RMDN2: variants seen among roughly 807,000 people sequenced by gnomAD.
RMDN2 encodes the protein regulator of microtubule dynamics protein 2.
In RMDN2, 61 loss-of-function variants were observed where a neutral mutation model predicts 52.8. That is an observed-to-expected ratio of 1.16 (90% confidence interval 0.94 to 1.43). The LOEUF (loss-of-function observed/expected upper bound fraction) is 1.43. RMDN2 is among the 40% of genes most tolerant of loss of function. The pLI is 0.00. For missense variants in RMDN2, 592 were observed against 475.3 expected (o/e 1.25, Z -2.28); for synonymous variants, 180 against 153.1 (o/e 1.18, Z -1.30).
intron 7 of RMDN2, among the ~76,000 whole-genome samples, chr2:37,993,815 A>G (rs947989021): frequency 3.3e-5 from 5 of 152,182 alleles, no homozygotes; most frequent in Admixed American, 6.5e-5. Context: ...ACAAGCTTAC[A>G]GCAGTGAAAA....
chr2:38,055,178 G>T (rs575546943), intron 10 of RMDN2, among the ~76,000 whole-genome samples: 1 of 151,778 alleles, frequency 6.6e-6, no homozygotes, highest in Admixed American at 6.6e-5. Flanking sequence ...AGCCGTCCCC[G>T]CTTGATGATC....
intron 5 of RMDN2, among the ~76,000 whole-genome samples, chr2:37,982,290 G>A (rs1333220826): frequency 2.0e-5 from 3 of 152,132 alleles, no homozygotes; most frequent in Non-Finnish European, 4.4e-5. Context: ...CCAGCAGGGG[G>A]AGCTCCACTC....
chr2:37,991,269 A>G lies in RMDN2; in HGVS notation c.917A>G (p.Tyr306Cys), dbSNP rs1238929679. Reference sequence around the variant, plus strand: ...CTTTTACCAGAGGAACCCTTTCTATATTACCTCAAAGGGAGATACTGCTAT... The same window carrying G: ...CTTTTACCAGAGGAACCCTTTCTATGTTACCTCAAAGGGAGATACTGCTAT... Reference protein sequence around the residue: ...IKLLPEEPFLYYLKGRYCYTV... With the variant: ...IKLLPEEPFLCYLKGRYCYTV... The change falls in exon 7 of 11, where the codon TAT becomes TGT. Residue 306 changes from tyrosine (Y) to cysteine (C), a missense_variant. Transcript: ENST00000354545. The G allele has an allele frequency of 3.2e-6, 5 of 1,587,262 alleles. No individual in the cohort carries two copies. Among genetic ancestry groups the G allele is most frequent in the East Asian group, 4.6e-5 (2 of 43,950 alleles).
intron 10 of RMDN2, among the ~76,000 whole-genome samples, chr2:38,038,265 A>G (rs1680724681): frequency 6.6e-6 from 1 of 152,022 alleles, no homozygotes; most frequent in Non-Finnish European, 1.5e-5. Flanking sequence ...CCCCGGGCGC[A>G]AGGGGGACGC....
At chr2:37,981,549 T>A (rs1673317996) in intron 5 of RMDN2, among the ~76,000 whole-genome samples, 1 of 152,238 alleles carries the variant, frequency 6.6e-6, no homozygotes, top group Non-Finnish European at 1.5e-5. Context: ...GGGAAACTTT[T>A]ATTGAAAAAT....
At chr2:37,952,457 A>G (rs1668955781) in intron 2 of RMDN2, 1 of 489,838 alleles carries the variant, frequency 2.0e-6, no homozygotes, top group Non-Finnish European at 3.6e-6. Context: ...CTGCTTAAAG[A>G]TGGGCTAATC....
At chr2:38,053,253 C>T (rs1681703220) in intron 10 of RMDN2, among the ~76,000 whole-genome samples, 3 of 152,072 alleles carry the variant, frequency 2.0e-5, no homozygotes. Flanking sequence ...TTGCCAAAGA[C>T]CCACAGCCTC....
chr2:37,997,558 A>G (rs1435421561), intron 8 of RMDN2, 44 bp downstream of exon 8: 6 of 1,151,910 alleles, frequency 5.2e-6, no homozygotes, highest in African/African-American at 1.5e-5. Context: ...ACTGATTACC[A>G]TCTGCACCAA....
chr2:38,017,726 A>G lies in RMDN2; in HGVS notation c.*487A>G, dbSNP rs1678999236. 1 of 379,052 alleles carries G rather than the reference A, an allele frequency of 2.6e-6. No individual in the cohort carries two copies. The highest frequency in any genetic ancestry group is 4.8e-6 in the Non-Finnish European group (1 of 209,218). The allele number at this position is 379,052 out of a possible 1,614,324, so 23.5% of individuals were successfully genotyped here. ...AAGATGTGAATAAAATTACAATAAA[A>G]TACTGTTTTACCATCAAACTAGCTT... On this transcript the variant is annotated 3_prime_UTR_variant, in exon 11 of 11. Coordinates refer to ENST00000354545, the MANE Select transcript of RMDN2 (RefSeq NM_001170791.3).
At chr2:38,043,158 A>G (rs990402015) in intron 10 of RMDN2, among the ~76,000 whole-genome samples, 3 of 152,138 alleles carry the variant, frequency 2.0e-5, no homozygotes, top group South Asian at 4.1e-4. Context: ...TTCGCCTCAC[A>G]TATTTTGACA....
chr2:37,952,248 T>C, intron 2 of RMDN2: 1 of 1,576,552 alleles, frequency 6.3e-7, no homozygotes, highest in Non-Finnish European at 8.7e-7. Context: ...TCAAATAGTT[T>C]TCCCACCAGT....
At chr2:37,966,063 T>C (rs1670999297) in intron 2 of RMDN2, among the ~76,000 whole-genome samples, 1 of 152,216 alleles carries the variant, frequency 6.6e-6, no homozygotes, top group African/African-American at 2.4e-5. Context: ...TAGCATTCAG[T>C]ACTTTAAGTA....
rs930985541 is a variant in RMDN2, at chr2:38,017,438, A to G, written c.*199A>G. 6.7e-5 allele frequency: 83 copies of G among 1,231,324 alleles called. No homozygotes were observed. Among genetic ancestry groups the G allele is most frequent in the Non-Finnish European group, 3.6e-5 (34 of 933,828 alleles). The allele number at this position is 1,231,324 out of a possible 1,614,324, so 76.3% of individuals were successfully genotyped here. A position where few individuals can be genotyped will look rare whatever the true frequency, so the allele number is the denominator to read the frequency against. ...GTTATTTGGAGAATCTATATACTAT[A>G]ATGTCAATACATAATCTATAAACAT... On this transcript the variant is annotated 3_prime_UTR_variant, in exon 11 of 11. Transcript: ENST00000354545.
intron 2 of RMDN2, among the ~76,000 whole-genome samples, chr2:37,940,008 C>T (rs4670794): frequency 0.51 from 77,469 of 152,012 alleles, 21,511 homozygotes; most frequent in East Asian, 0.71. Context: ...GTGTTTTTGC[C>T]GTGTCTGGTA....
At chr2:37,963,522 A>G in intron 2 of RMDN2, among the ~76,000 whole-genome samples, 1 of 151,944 alleles carries the variant, frequency 6.6e-6, no homozygotes. Flanking sequence ...GATGACTCTT[A>G]ATGAGCATGC....
chr2:37,951,580 C>G, intron 2 of RMDN2: 1 of 1,613,070 alleles, frequency 6.2e-7, no homozygotes. Flanking sequence ...AGCTTTATTT[C>G]CCGCAGAAGA....
chr2:37,992,140 T>C (rs906422217), intron 7 of RMDN2, among the ~76,000 whole-genome samples: 1 of 147,994 alleles, frequency 6.8e-6, no homozygotes, highest in African/African-American at 2.5e-5. Context: ...CAGTTATTAT[T>C]ATACCAGTTT....
At chr2:38,066,911 A>C in intron 10 of RMDN2, 1 of 1,473,612 alleles carries the variant, frequency 6.8e-7, no homozygotes, top group South Asian at 1.1e-5. Flanking sequence ...TGCTAAAGTG[A>C]GGTTCCCACG....
intron 2 of RMDN2, among the ~76,000 whole-genome samples, chr2:37,942,695 T>G (rs1667896236): frequency 6.6e-6 from 1 of 152,206 alleles, no homozygotes; most frequent in Non-Finnish European, 1.5e-5. Context: ...ATCATTCATT[T>G]GCCATTTAGT....
Sources: gnomAD v4.1 joint callset for allele counts (sites outside exome capture counted in the v4.1 genomes callset) on GRCh38, gnomAD v4.1.1 for gene constraint, MANE v1.5 for transcripts, NCBI Gene and HGNC (gene_info 2026-07-23, HGNC 2026-07-21) for gene names.